The following ATP9B variants were observed in gnomAD, a reference collection of about 807,000 sequenced individuals.
ATP9B encodes probable phospholipid-transporting ATPase IIB.
Under a neutral mutation model 146.1 loss-of-function variants are expected in ATP9B, and 110 were observed. The observed-to-expected ratio is 0.75, with a 90% CI of 0.65 to 0.88. The LOEUF (loss-of-function observed/expected upper bound fraction) is 0.88, where lower values mean the gene tolerates loss of function less well. Ranked by LOEUF, ATP9B falls within the 40% of genes least tolerant of loss-of-function variation. The pLI, the probability that ATP9B is intolerant of heterozygous loss-of-function variation, is 0.00. For synonymous variants in ATP9B, 604 were observed against 569.7 expected (o/e 1.06, Z -0.86); for missense variants, 1,499 against 1,496.4 (o/e 1.00, Z -0.03).
At chr18:79,305,072 T>G (rs2096613344) in intron 14 of ATP9B, among the ~76,000 whole-genome samples, 1 of 152,118 alleles carries the variant, frequency 6.6e-6, no homozygotes, top group Non-Finnish European at 1.5e-5. Context: ...CCCTGGGAGG[T>G]GACAGTTCCC....
intron 13 of ATP9B, among the ~76,000 whole-genome samples, chr18:79,295,093 C>T (rs768229228): frequency 2.3e-3 from 165 of 71,172 alleles, no homozygotes; most frequent in Non-Finnish European, 3.4e-3. Context: ...AATGCAAGCA[C>T]ACACATACAC....
chr18:79,073,424 G>A (rs1050606541), intron 1 of ATP9B, among the ~76,000 whole-genome samples: 15 of 152,208 alleles, frequency 9.9e-5, no homozygotes, highest in African/African-American at 1.7e-4. Context: ...GTCAGGAGCC[G>A]GAGACCAGCC....
chr18:79,271,426 C>A (rs901330383), intron 12 of ATP9B, among the ~76,000 whole-genome samples: 1 of 143,162 alleles, frequency 7.0e-6, no homozygotes, highest in Non-Finnish European at 1.5e-5. Context: ...GTGTGATGTT[C>A]CCCTTCCTGT....
intron 11 of ATP9B, among the ~76,000 whole-genome samples, chr18:79,245,661 G>A (rs67005832): frequency 0.38 from 51,727 of 135,836 alleles, 10,957 homozygotes; most frequent in African/African-American, 0.55. Flanking sequence ...GGAGGGTACC[G>A]CCCTAGTGAC....
chr18:79,365,551 A>T (rs546412215), intron 26 of ATP9B, among the ~76,000 whole-genome samples: 49 of 152,394 alleles, frequency 3.2e-4, no homozygotes, highest in South Asian at 1.7e-3. Flanking sequence ...AATCCTATAT[A>T]TGAATGTTCA....
At chr18:79,176,738 T>C in intron 7 of ATP9B, 75 bp from the exon 8 acceptor site, 2 of 1,216,912 alleles carry the variant, frequency 1.6e-6, no homozygotes, top group Non-Finnish European at 2.4e-6. Context: ...AATTATTCTT[T>C]GATGGCACCT....
At chr18:79,098,567 G>A (rs2075006979) in intron 2 of ATP9B, among the ~76,000 whole-genome samples, 1 of 151,700 alleles carries the variant, frequency 6.6e-6, no homozygotes, top group African/African-American at 2.4e-5. Context: ...CAAAAAGTGG[G>A]CGAAGGACAT....
intron 25 of ATP9B, chr18:79,353,757 A>G (rs916184831): frequency 6.6e-6 from 1 of 152,228 alleles, no homozygotes; most frequent in Admixed American, 6.5e-5. Flanking sequence ...AATTCATCAC[A>G]TGCTGAAAGT....
chr18:79,300,260 G>T lies in ATP9B; in HGVS notation c.1412-3344G>T, dbSNP rs1384969689. Among the ~76,000 whole-genome samples the T allele has an allele frequency of 2.6e-5, 4 of 152,186 alleles. No individual in the cohort carries two copies. The East Asian group carries it at 7.7e-4, about 29-fold the overall frequency. Reference sequence around the variant, plus strand: ...GAATCCAGAAAGTGAGGAAAGGTTGGTGGTGGTGATGATGGCTGTGGAAGA... The same window carrying T: ...GAATCCAGAAAGTGAGGAAAGGTTGTTGGTGGTGATGATGGCTGTGGAAGA... On this transcript the variant is annotated intron_variant, in intron 13 of 29. Transcript: ENST00000426216.
Position 79,331,699 on chromosome 18 carries a change from C to T in ATP9B, c.2028+1595C>T, listed in dbSNP as rs56161459. Among the ~76,000 whole-genome samples, 1,348 of 151,612 alleles carry T rather than the reference C, an allele frequency of 8.9e-3. 24 individuals carry two copies. The highest frequency in any genetic ancestry group is 0.03 in the African/African-American group (1,234 of 41,264). On this transcript the variant is annotated intron_variant, in intron 17 of 29. Transcript: ENST00000426216. ...GGCTCCTCCAGAACTGAATTCTTGG[C>T]TTGTCAAATGTTTAAAAAAAAAAAA...
chr18:79,348,850 G>C (rs2096906981), intron 25 of ATP9B, among the ~76,000 whole-genome samples: 1 of 152,222 alleles, frequency 6.6e-6, no homozygotes, highest in South Asian at 2.1e-4. Flanking sequence ...CAGGCGTGGT[G>C]GTGTGTGCCT....
At chr18:79,201,701 T>C (rs1428818107) in intron 9 of ATP9B, among the ~76,000 whole-genome samples, 1 of 152,046 alleles carries the variant, frequency 6.6e-6, no homozygotes, top group Non-Finnish European at 1.5e-5. Flanking sequence ...TCCCGAGCAG[T>C]TGGGACTACG....
chr18:79,174,470 C>G (rs1466580185), intron 7 of ATP9B, among the ~76,000 whole-genome samples: 3 of 152,206 alleles, frequency 2.0e-5, no homozygotes, highest in African/African-American at 7.2e-5. Context: ...TTCTGATTGT[C>G]TCACACACTT....
chr18:79,238,336 G>A (rs1173184882), intron 11 of ATP9B, among the ~76,000 whole-genome samples: 1 of 152,096 alleles, frequency 6.6e-6, no homozygotes. Flanking sequence ...AAGGCTGTGG[G>A]GAGGTCAGTT....
intron 11 of ATP9B, among the ~76,000 whole-genome samples, chr18:79,216,244 G>A (rs1600555482): frequency 6.6e-6 from 1 of 151,750 alleles, no homozygotes; most frequent in Non-Finnish European, 1.5e-5. Context: ...CTTTTGGCTC[G>A]TCAAGCTCTT....
chr18:79,069,646 G>A, intron 1 of ATP9B, 117 bp downstream of exon 1: 2 of 620,270 alleles, frequency 3.2e-6, no homozygotes, highest in Non-Finnish European at 4.7e-6. Context: ...CCATCTGTTC[G>A]CTGGGAGCCG....
intron 13 of ATP9B, among the ~76,000 whole-genome samples, chr18:79,289,002 T>C (rs2096473439): frequency 6.6e-6 from 1 of 152,204 alleles, no homozygotes; most frequent in Non-Finnish European, 1.5e-5. Context: ...TCTGATGGGC[T>C]TCCCTTTGAG....
At chr18:79,153,960 T>C (rs1052116492) in intron 6 of ATP9B, among the ~76,000 whole-genome samples, 1 of 144,740 alleles carries the variant, frequency 6.9e-6, no homozygotes, top group South Asian at 2.2e-4. Context: ...CATGCAGCTT[T>C]TTTTTTTTTT....
At chr18:79,355,836 T>C (rs551177147) in intron 25 of ATP9B, among the ~76,000 whole-genome samples, 2 of 152,206 alleles carry the variant, frequency 1.3e-5, no homozygotes, top group African/African-American at 4.8e-5. Flanking sequence ...ATCAAACTGA[T>C]GAAAACCAGA....
Sources: gnomAD v4.1 joint callset for allele counts (sites outside exome capture counted in the v4.1 genomes callset) on GRCh38, gnomAD v4.1.1 for gene constraint, MANE v1.5 for transcripts, NCBI Gene and HGNC (gene_info 2026-07-23, HGNC 2026-07-21) for gene names.